Variants in CSRP2 observed in about 807,000 individuals in gnomAD.
CSRP2 encodes cysteine and glycine rich protein 2.
A neutral mutation model predicts 24.6 loss-of-function variants in CSRP2; 18 were observed. The ratio of observed to expected loss-of-function variants is 0.73; its 90% CI spans 0.51 to 1.09. CSRP2 has a LOEUF of 1.09. Ranked by LOEUF, CSRP2 falls within the 50% of genes least tolerant of loss-of-function variation. CSRP2 has a pLI of 0.00. For missense variants in CSRP2, 215 were observed against 239.4 expected (o/e 0.90, Z 0.67); for synonymous variants, 87 against 84.3 (o/e 1.03, Z -0.18).
intron 2 of CSRP2, chr12:76,864,202 A>C (rs1032739394): frequency 6.6e-6 from 1 of 152,210 alleles, no homozygotes; most frequent in Admixed American, 6.5e-5. Flanking sequence ...CTTGAGAAAA[A>C]AGTAAATTGT....
rs1048201555 is a variant in CSRP2 at position 76,862,675 on chromosome 12, T to C, written c.281+501A>G. ...CAACAAAGCCTTTAAAGTTTAACACTACTCTCTCAAAGAATCAAAAATAAG... is the reference window on the plus strand; with the variant it reads ...CAACAAAGCCTTTAAAGTTTAACACCACTCTCTCAAAGAATCAAAAATAAG... On this transcript the variant is annotated intron_variant, in intron 3 of 5. Transcript: ENST00000311083. 42 of 1,157,596 alleles carry C rather than the reference T, an allele frequency of 3.6e-5. No individual in the cohort carries two copies. The African/African-American group carries it at 6.5e-4, about 18-fold the overall frequency. The allele number at this position is 1,157,596 out of a possible 1,614,324, so 71.7% of individuals were successfully genotyped here. A position where few individuals can be genotyped will look rare whatever the true frequency, so the allele number is the denominator to read the frequency against.
At chr12:76,870,011 ACCAAAGG>A (rs1214482732) in intron 1 of CSRP2, among the ~76,000 whole-genome samples, 3 of 152,212 alleles carry the variant, frequency 2.0e-5, no homozygotes, top group Non-Finnish European at 4.4e-5. Context: ...TTCCTGCAGA[ACCAAAGG>A]CCAAATCCAG....
intron 1 of CSRP2, among the ~76,000 whole-genome samples, chr12:76,870,582 A>G (rs760118269): frequency 1.4e-4 from 21 of 152,300 alleles, no homozygotes; most frequent in Non-Finnish European, 1.6e-4. Flanking sequence ...ATATCAAAAT[A>G]TTGCAGTTCT....
chr12:76,866,636 A>C (rs1490488072), intron 1 of CSRP2, among the ~76,000 whole-genome samples: 2 of 152,200 alleles, frequency 1.3e-5, no homozygotes, highest in Non-Finnish European at 2.9e-5. Flanking sequence ...CATTTTTAAT[A>C]AACATATTTT....
At position 76,863,357 on chromosome 12, in the gene CSRP2, A is replaced by AAGTT. The variant is rs887267997; in HGVS notation, c.113-17_113-14dup. On this transcript the variant is annotated splice_polypyrimidine_tract_variant and intron_variant, in intron 2 of 5. Coordinates refer to ENST00000311083, the MANE Select transcript of CSRP2 (RefSeq NM_001321.3). ...TTCCTGCAAACCACTGCAGGGGAAAAAGTTAGACTTTACACATGTTCCAAA... is the reference window on the plus strand; with the variant it reads ...TTCCTGCAAACCACTGCAGGGGAAAAAGTTAGTTAGACTTTACACATGTTCCAAA... The AAGTT allele has an allele frequency of 3.1e-6, 5 of 1,613,200 alleles. No homozygotes were observed. The East Asian group carries it at 1.1e-4, about 36-fold the overall frequency.
intron 1 of CSRP2, among the ~76,000 whole-genome samples, chr12:76,868,677 G>A (rs909830987): frequency 5.9e-5 from 9 of 152,176 alleles, no homozygotes; most frequent in African/African-American, 2.2e-4. Context: ...CAGGTGCGGT[G>A]GCTCAAGCCT....
intron 1 of CSRP2, among the ~76,000 whole-genome samples, chr12:76,870,591 C>G (rs1172003327): frequency 6.6e-6 from 1 of 152,138 alleles, no homozygotes; most frequent in Non-Finnish European, 1.5e-5. Flanking sequence ...TATTGCAGTT[C>G]TATCCAGCTT....
At chr12:76,866,119 G>A (rs183831969) in intron 2 of CSRP2, 30 bp downstream of exon 2, 11 of 1,543,568 alleles carry the variant, frequency 7.1e-6, no homozygotes, top group South Asian at 2.3e-5. Context: ...TACAAATTCC[G>A]TCAAAGGTGG....
At chr12:76,864,373 G>A (rs1953713230) in intron 2 of CSRP2, 1 of 151,974 alleles carries the variant, frequency 6.6e-6, no homozygotes, top group Admixed American at 6.6e-5. Context: ...GAGTTAATGG[G>A]TGTAAAAATA....
At chr12:76,873,002 T>G (rs984823661) in intron 1 of CSRP2, among the ~76,000 whole-genome samples, 1 of 152,236 alleles carries the variant, frequency 6.6e-6, no homozygotes, top group African/African-American at 2.4e-5. Context: ...CTGTCTTACT[T>G]TAGAATCAGA....
chr12:76,866,059 T>C, intron 2 of CSRP2, 90 bp downstream of exon 2: 1 of 935,300 alleles, frequency 1.1e-6, no homozygotes, highest in Non-Finnish European at 1.7e-6. Context: ...ATGATCTTTG[T>C]TGGCAAAACC....
At chr12:76,865,102 G>GTC (rs1953721788) in intron 2 of CSRP2, 2 of 152,190 alleles carry the variant, frequency 1.3e-5, no homozygotes, top group Non-Finnish European at 2.9e-5. Flanking sequence ...TATTAGAAAG[G>GTC]ATTCGTAGAA....
intron 1 of CSRP2, among the ~76,000 whole-genome samples, chr12:76,867,791 AAG>A (rs1953749715): frequency 6.6e-6 from 1 of 152,144 alleles, no homozygotes; most frequent in Non-Finnish European, 1.5e-5. Context: ...CCTGGCTAGA[AAG>A]AGAAGGGAAA....
chr12:76,872,304 G>A (rs1051140200), intron 1 of CSRP2, among the ~76,000 whole-genome samples: 1 of 152,208 alleles, frequency 6.6e-6, no homozygotes, highest in Non-Finnish European at 1.5e-5. Flanking sequence ...CTAAGTCTGA[G>A]TCGTCTTATG....
At chr12:76,876,702 T>TG (rs1053862592) in intron 1 of CSRP2, among the ~76,000 whole-genome samples, 34 of 152,306 alleles carry the variant, frequency 2.2e-4, no homozygotes, top group African/African-American at 8.2e-4. Flanking sequence ...TAAGGTGCCT[T>TG]GAGGAAACCT....
intron 1 of CSRP2, among the ~76,000 whole-genome samples, chr12:76,876,272 A>T (rs1953850615): frequency 6.6e-6 from 1 of 152,244 alleles, no homozygotes; most frequent in Non-Finnish European, 1.5e-5. Flanking sequence ...TAAACAAAAA[A>T]ACAAGGAACC....
At chr12:76,859,515 A>G in intron 5 of CSRP2, 32 bp downstream of exon 5, 1 of 1,428,960 alleles carries the variant, frequency 7.0e-7, no homozygotes, top group South Asian at 1.2e-5. Context: ...TGGAATATTC[A>G]TATGGACAGC....
intron 1 of CSRP2, among the ~76,000 whole-genome samples, chr12:76,870,538 G>C (rs188211126): frequency 2.0e-5 from 3 of 152,258 alleles, no homozygotes; most frequent in African/African-American, 7.2e-5. Context: ...CCACATCTCT[G>C]TATTCTCCAC....
In CSRP2 at chr12:76,878,981, G is replaced by A. The variant is rs1413610195; in HGVS notation, c.-45C>T. 3 of 152,336 alleles carry A rather than the reference G, an allele frequency of 2.0e-5. No homozygotes were observed. The highest frequency in any genetic ancestry group is 2.9e-5 in the Non-Finnish European group (2 of 68,138). The allele number at this position is 152,336 out of a possible 1,614,324, so 9.4% of individuals were successfully genotyped here. Reference sequence around the variant, plus strand: ...CACGTACCGCAGGCGGAGCTAGCGAGGCTGGGCTGGAGGGAGGGTCCAGGG... The same window carrying A: ...CACGTACCGCAGGCGGAGCTAGCGAAGCTGGGCTGGAGGGAGGGTCCAGGG... On this transcript the variant is annotated 5_prime_UTR_variant, in exon 1 of 6. Coordinates refer to ENST00000311083, the MANE Select transcript of CSRP2 (RefSeq NM_001321.3).
Sources: allele counts gnomAD v4.1 joint callset (sites outside exome capture counted in the v4.1 genomes callset), GRCh38; gene constraint gnomAD v4.1.1; transcripts MANE v1.5; gene names NCBI Gene and HGNC (gene_info 2026-07-23, HGNC 2026-07-21).